The following NOX4 variants were observed in gnomAD, a reference collection of about 807,000 sequenced individuals.
The protein encoded by NOX4 is NADPH oxidase 4, also known as kidney oxidase-1.
Under a neutral mutation model 87.6 loss-of-function variants are expected in NOX4, and 69 were observed. The observed-to-expected ratio is 0.79, with a 90% CI of 0.65 to 0.96. The LOEUF is 0.96. NOX4 is among the 40% of genes least tolerant of loss of function. The probability of loss-of-function intolerance (pLI) is 0.00; values close to 1 mark genes in which losing one functional copy is unlikely to be tolerated. For missense variants in NOX4, 680 were observed against 681.5 expected (o/e 1.00, Z 0.02); for synonymous variants, 275 against 238.2 (o/e 1.15, Z -1.42).
chr11:89,404,049 A>T (rs57516228), intron 8 of NOX4, among the ~76,000 whole-genome samples: 2 of 125,270 alleles, frequency 1.6e-5, no homozygotes, highest in African/African-American at 2.9e-5. Context: ...ACAAACATAC[A>T]TTTTTTTTAA....
chr11:89,457,713 A>C (rs1945269369), intron 2 of NOX4, among the ~76,000 whole-genome samples: 1 of 152,178 alleles, frequency 6.6e-6, no homozygotes. Context: ...AAAAAACTCC[A>C]TCCAAAGAAC....
intron 12 of NOX4, among the ~76,000 whole-genome samples, chr11:89,366,479 T>C (rs1490256571): frequency 6.6e-6 from 1 of 151,892 alleles, no homozygotes; most frequent in Non-Finnish European, 1.5e-5. Flanking sequence ...GGAGTTTGAT[T>C]AGCCTGAGCA....
At chr11:89,466,563 A>G in intron 2 of NOX4, among the ~76,000 whole-genome samples, 1 of 152,210 alleles carries the variant, frequency 6.6e-6, no homozygotes, top group East Asian at 1.9e-4. Flanking sequence ...TGTTCCACTT[A>G]TATTATTAAT....
chr11:89,423,938 G>A (rs563138208), intron 7 of NOX4, among the ~76,000 whole-genome samples: 1 of 152,110 alleles, frequency 6.6e-6, no homozygotes, highest in Admixed American at 6.6e-5. Context: ...ATGGTGGTGT[G>A]TGTTCGTGAT....
the NOX4 span, among the ~76,000 whole-genome samples, chr11:89,586,759 C>T: frequency 6.6e-6 from 1 of 152,032 alleles, no homozygotes; most frequent in East Asian, 1.9e-4. Context: ...AACACTTCAC[C>T]TGGGTCTTAA....
intron 2 of NOX4, among the ~76,000 whole-genome samples, chr11:89,455,068 T>C (rs1433173842): frequency 6.6e-6 from 1 of 152,150 alleles, no homozygotes; most frequent in Non-Finnish European, 1.5e-5. Flanking sequence ...CTATAGGCCA[T>C]ATACATTATG....
At chr11:89,454,730 T>A (rs1179586714) in intron 2 of NOX4, among the ~76,000 whole-genome samples, 2 of 152,114 alleles carry the variant, frequency 1.3e-5, no homozygotes, top group African/African-American at 2.4e-5. Context: ...AAAGCTGACA[T>A]AGTAAGGTAC....
At chr11:89,340,900 T>C (rs1247550984) in intron 14 of NOX4, among the ~76,000 whole-genome samples, 1 of 152,112 alleles carries the variant, frequency 6.6e-6, no homozygotes, top group Non-Finnish European at 1.5e-5. Flanking sequence ...AATTTACATC[T>C]AGTATTTAAA....
chr11:89,585,331 A>T, the NOX4 span, among the ~76,000 whole-genome samples: 2 of 152,002 alleles, frequency 1.3e-5, no homozygotes, highest in African/African-American at 4.8e-5. Context: ...TCTGAAATCC[A>T]CTGTTTGTGG....
chr11:89,441,308 A>C (rs1200368726), intron 5 of NOX4, among the ~76,000 whole-genome samples: 1 of 152,186 alleles, frequency 6.6e-6, no homozygotes. Flanking sequence ...ATTTCCTTTA[A>C]ACTACATCTC....
chr11:89,425,506 C>T (rs1219605792), intron 7 of NOX4, among the ~76,000 whole-genome samples: 1 of 151,080 alleles, frequency 6.6e-6, no homozygotes, highest in African/African-American at 2.4e-5. Flanking sequence ...ATGTGCTGTG[C>T]CATCAGTAAA....
At chr11:89,366,957 T>C (rs1591036772) in intron 12 of NOX4, among the ~76,000 whole-genome samples, 1 of 152,148 alleles carries the variant, frequency 6.6e-6, no homozygotes, top group Non-Finnish European at 1.5e-5. Context: ...TTCCTGAGAA[T>C]GGATGGGCAC....
At chr11:89,579,767 G>A in the NOX4 span, among the ~76,000 whole-genome samples, 13 of 152,134 alleles carry the variant, frequency 8.5e-5, no homozygotes, top group South Asian at 1.0e-3. Flanking sequence ...CTTCCTACTC[G>A]CTTTTTCTGT....
the NOX4 span, among the ~76,000 whole-genome samples, chr11:89,516,587 C>G: frequency 2.6e-5 from 4 of 152,136 alleles, no homozygotes; most frequent in East Asian, 7.7e-4. Context: ...CCTGGTTCAG[C>G]ACTATTTTTC....
intron 2 of NOX4, among the ~76,000 whole-genome samples, chr11:89,485,108 T>C (rs145588502): frequency 1.3e-4 from 20 of 152,266 alleles, no homozygotes; most frequent in Middle Eastern, 3.4e-3. Context: ...TAAAATGTTA[T>C]GATATAACTT....
chr11:89,351,743 A>T (rs1590993128), intron 13 of NOX4, among the ~76,000 whole-genome samples: 1 of 152,164 alleles, frequency 6.6e-6, no homozygotes, highest in African/African-American at 2.4e-5. Flanking sequence ...GGTTTACTGA[A>T]TATTTTAAGC....
At chr11:89,485,270 A>G (rs1439664811) in intron 2 of NOX4, among the ~76,000 whole-genome samples, 1 of 152,186 alleles carries the variant, frequency 6.6e-6, no homozygotes, top group Non-Finnish European at 1.5e-5. Context: ...AAGATCATGC[A>G]GCAGATCTAA....
chr11:89,335,153 G>A (rs2135372302), intron 17 of NOX4, among the ~76,000 whole-genome samples: 1 of 151,702 alleles, frequency 6.6e-6, no homozygotes, highest in South Asian at 2.1e-4. Flanking sequence ...ATACGTGAGT[G>A]GTTATATAGT....
At chr11:89,563,080 G>A in the NOX4 span, among the ~76,000 whole-genome samples, 1 of 152,064 alleles carries the variant, frequency 6.6e-6, no homozygotes, top group Non-Finnish European at 1.5e-5. Context: ...GTTTCCTGAG[G>A]CCTCTCCAGC....
Sources: allele counts gnomAD v4.1 joint callset (sites outside exome capture counted in the v4.1 genomes callset), GRCh38; gene constraint gnomAD v4.1.1; transcripts MANE v1.5; gene names NCBI Gene and HGNC (gene_info 2026-07-23, HGNC 2026-07-21).